The following KCNH1 variants were observed in gnomAD, a reference collection of about 807,000 sequenced individuals.
The protein encoded by KCNH1 is voltage-gated delayed rectifier potassium channel KCNH1.
A neutral mutation model predicts 69.2 loss-of-function variants in KCNH1; 27 were observed. The ratio of observed to expected loss-of-function variants is 0.39; its 90% CI spans 0.29 to 0.54. The LOEUF is 0.54. Among genes scored for constraint, KCNH1 ranks in the 20% least tolerant of loss-of-function variants. The probability of loss-of-function intolerance (pLI) is 0.68; values close to 1 mark genes in which losing one functional copy is unlikely to be tolerated. For synonymous variants in KCNH1, 456 were observed against 487.7 expected (o/e 0.93, Z 0.86); for missense variants, 798 against 1,261.6 (o/e 0.63, Z 5.57).
At chr1:210,802,857 G>A (rs1264044034) in intron 8 of KCNH1, among the ~76,000 whole-genome samples, 2 of 152,030 alleles carry the variant, frequency 1.3e-5, no homozygotes, top group Admixed American at 6.6e-5. Flanking sequence ...AAAATGCATG[G>A]CACGTGTATA....
chr1:211,124,305 A>G (rs1239286821), intron 1 of KCNH1, among the ~76,000 whole-genome samples: 3 of 152,156 alleles, frequency 2.0e-5, no homozygotes, highest in Non-Finnish European at 4.4e-5. Context: ...AGGAGTACCT[A>G]AGTGCACATC....
rs142456986 is a variant in KCNH1 at position 210,811,805 on chromosome 1, G to C, written c.1463-7639C>G. 2.2e-3 allele frequency among the ~76,000 whole-genome samples: 339 copies of C among 152,244 alleles called. 1 individual carries two copies. The highest frequency in any genetic ancestry group is 6.8e-3 in the Middle Eastern group (2 of 294). On this transcript the variant is annotated intron_variant, in intron 7 of 10. Transcript: ENST00000271751. ...AGGTAGATATTGTCACTATTTAGCA[G>C]GTAAGGAAACTGAGGTCCAAGATCA...
At chr1:210,701,983 T>G (rs1321944172) in intron 10 of KCNH1, among the ~76,000 whole-genome samples, 1 of 152,236 alleles carries the variant, frequency 6.6e-6, no homozygotes, top group Non-Finnish European at 1.5e-5. Flanking sequence ...AAATATTTTT[T>G]ATCTTCACAC....
chr1:211,040,977 T>C (rs1050462734), intron 5 of KCNH1, among the ~76,000 whole-genome samples: 1 of 152,188 alleles, frequency 6.6e-6, no homozygotes, highest in Non-Finnish European at 1.5e-5. Context: ...GCCCTCAACC[T>C]GTGATCCTCT....
intron 7 of KCNH1, among the ~76,000 whole-genome samples, chr1:210,823,774 C>T (rs982866284): frequency 1.6e-4 from 24 of 152,036 alleles, no homozygotes; most frequent in African/African-American, 5.8e-4. Context: ...CACACAGCAA[C>T]CAAGTGGTAG....
At chr1:210,725,396 C>A (rs561350377) in intron 10 of KCNH1, among the ~76,000 whole-genome samples, 2 of 152,122 alleles carry the variant, frequency 1.3e-5, no homozygotes, top group East Asian at 3.9e-4. Context: ...ATACACCAGA[C>A]AAAAAACACC....
At chr1:211,031,403 A>C (rs1689782343) in intron 5 of KCNH1, among the ~76,000 whole-genome samples, 1 of 152,244 alleles carries the variant, frequency 6.6e-6, no homozygotes, top group African/African-American at 2.4e-5. Flanking sequence ...TGAGGCCAGG[A>C]TCATCCTGAT....
At position 211,085,404 on chromosome 1, in the gene KCNH1, T is replaced by G. The variant is rs1369289468; in HGVS notation, c.440-2506A>C. Among the ~76,000 whole-genome samples the G allele has an allele frequency of 3.3e-5, 5 of 151,652 alleles. No homozygotes were observed. In the East Asian group the frequency reaches 9.7e-4, roughly 29 times the overall value. Reference sequence around the variant, plus strand: ...ACCCACTGAGAGCCACTGAAGGACTTTAAATTTGGTGAGGAGGGAGATACA... The same window carrying G: ...ACCCACTGAGAGCCACTGAAGGACTGTAAATTTGGTGAGGAGGGAGATACA... On this transcript the variant is annotated intron_variant, in intron 4 of 10. Transcript: ENST00000271751.
intron 6 of KCNH1, among the ~76,000 whole-genome samples, chr1:211,002,832 G>C (rs1349800563): frequency 6.6e-6 from 1 of 152,158 alleles, no homozygotes; most frequent in Admixed American, 6.5e-5. Flanking sequence ...AGGGGATAGA[G>C]TGCAAAGAGT....
chr1:210,886,169 C>T (rs1238335133), intron 7 of KCNH1, among the ~76,000 whole-genome samples: 1 of 152,156 alleles, frequency 6.6e-6, no homozygotes. Context: ...TGGTAGGTGA[C>T]CCTCTGGACA....
intron 4 of KCNH1, among the ~76,000 whole-genome samples, chr1:211,088,823 G>A (rs1417383897): frequency 6.6e-6 from 1 of 152,124 alleles, no homozygotes; most frequent in Non-Finnish European, 1.5e-5. Context: ...CTCCTCATGA[G>A]TGTCTGTAAG....
intron 10 of KCNH1, among the ~76,000 whole-genome samples, chr1:210,701,250 T>C (rs1681771364): frequency 6.6e-6 from 1 of 152,176 alleles, no homozygotes; most frequent in African/African-American, 2.4e-5. Flanking sequence ...TTTATTTTTT[T>C]GGTAGGAGAC....
At chr1:211,091,397 C>A (rs906447823) in intron 3 of KCNH1, among the ~76,000 whole-genome samples, 2 of 152,030 alleles carry the variant, frequency 1.3e-5, no homozygotes, top group African/African-American at 4.8e-5. Flanking sequence ...GAACTCTCAA[C>A]CTCCAGTGAT....
chr1:210,908,956 T>G (rs1173171917), intron 7 of KCNH1, among the ~76,000 whole-genome samples: 1 of 152,250 alleles, frequency 6.6e-6, no homozygotes, highest in Non-Finnish European at 1.5e-5. Flanking sequence ...TTGTTCTTCC[T>G]ACCAAGACTT....
chr1:211,019,075 T>A lies in KCNH1; in HGVS notation c.740A>T (p.Asn247Ile). The change falls in exon 6 of 11, where the codon AAT becomes ATT. Residue 247 changes from asparagine to isoleucine, a missense_variant. By Grantham distance (149) the Asn-to-Ile change is moderately radical (BLOSUM62 -3). Around this residue, in one of 4 missense-constraint regions of KCNH1, gnomAD observed 266 missense variants for 457.2 expected, o/e 0.58. Transcript: ENST00000271751. ...YNVSFKTRQN[N>I]VAWLVVDSIV... ...GCTATCAACAACCAGCCAGGCCACATTATTCTGCCTGGTTTTGAAGGAGAC... is the reference window on the plus strand; with the variant it reads ...GCTATCAACAACCAGCCAGGCCACAATATTCTGCCTGGTTTTGAAGGAGAC... 2 of 1,614,014 alleles carry A rather than the reference T, an allele frequency of 1.2e-6. No individual in the cohort carries two copies. The highest frequency in any genetic ancestry group is 1.7e-6 in the Non-Finnish European group (2 of 1,179,972).
intron 9 of KCNH1, among the ~76,000 whole-genome samples, chr1:210,793,956 G>A (rs1684258754): frequency 6.6e-6 from 1 of 152,164 alleles, no homozygotes. Flanking sequence ...TTGGTCCACT[G>A]CTATATCCCC....
At position 210,685,962 on chromosome 1, in the gene KCNH1, C is replaced by T. The variant is rs116043926; in HGVS notation, c.2113-1824G>A. On this transcript the variant is annotated intron_variant, in intron 10 of 10. Transcript: ENST00000271751. ...GTTTCTGTCACTGGCTGACTTTACA[C>T]TGAGGTCACTACACAGGTGGATGGA... is the stretch of plus-strand genomic sequence containing the variant. Among the ~76,000 whole-genome samples the T allele has an allele frequency of 4.1e-3, 624 of 152,358 alleles. 9 individuals are homozygous for T. Among genetic ancestry groups the T allele is most frequent in the African/African-American group, 0.014 (599 of 41,580 alleles).
chr1:210,833,911 G>T, intron 7 of KCNH1, among the ~76,000 whole-genome samples: 1 of 152,190 alleles, frequency 6.6e-6, no homozygotes, highest in Non-Finnish European at 1.5e-5. Flanking sequence ...AGACATTTAT[G>T]CAGACAAAAA....
At chr1:210,841,597 T>A (rs1025813480) in intron 7 of KCNH1, among the ~76,000 whole-genome samples, 1 of 152,196 alleles carries the variant, frequency 6.6e-6, no homozygotes, top group Non-Finnish European at 1.5e-5. Context: ...TTTATAGGAC[T>A]TGGGACATGG....
Sources: gnomAD v4.1 joint callset for allele counts (sites outside exome capture counted in the v4.1 genomes callset) on GRCh38, gnomAD v4.1.1 for gene constraint, gnomAD v4.1.1 regional missense constraint, MANE v1.5 for transcripts, NCBI Gene and HGNC (gene_info 2026-07-23, HGNC 2026-07-21) for gene names.